Variants in CLDN20 observed in about 807,000 individuals in gnomAD.
The protein encoded by CLDN20 is claudin 20, also known as claudin-20.
For synonymous variants in CLDN20, 104 were observed against 103.6 expected (o/e 1.00, Z -0.03); for missense variants, 258 against 267.9 (o/e 0.96, Z 0.26).
At chr6:155,268,757 T>C (rs9371875) in intron 1 of CLDN20, among the ~76,000 whole-genome samples, 47,263 of 148,736 alleles carry the variant, frequency 0.32, 7,676 homozygotes, top group African/African-American at 0.37. Flanking sequence ...GCAGCATGCT[T>C]GCTAAGAGTC....
At chr6:155,273,146 A>G (rs551795540) in intron 1 of CLDN20, among the ~76,000 whole-genome samples, 43 of 152,332 alleles carry the variant, frequency 2.8e-4, no homozygotes, top group African/African-American at 1.0e-3. Flanking sequence ...GCTATTACAA[A>G]ACTGTAAACA....
chr6:155,265,622 A>C (rs1189080269), intron 1 of CLDN20, among the ~76,000 whole-genome samples: 1 of 150,350 alleles, frequency 6.7e-6, no homozygotes, highest in African/African-American at 2.4e-5. Flanking sequence ...TGGAAAGCAA[A>C]GAAGAAAAAA....
At chr6:155,270,956 C>A (rs142605388) in intron 1 of CLDN20, among the ~76,000 whole-genome samples, 2 of 152,194 alleles carry the variant, frequency 1.3e-5, no homozygotes, top group South Asian at 2.1e-4. Context: ...AAGCTTACAA[C>A]GACTTAGAGA....
intron 1 of CLDN20, among the ~76,000 whole-genome samples, chr6:155,269,950 C>T (rs9322508): frequency 0.54 from 81,727 of 152,072 alleles, 22,390 homozygotes; most frequent in East Asian, 0.79. Context: ...CAGTGATGAA[C>T]GAAACAGAGA....
chr6:155,273,038 C>A (rs1785009099), intron 1 of CLDN20, among the ~76,000 whole-genome samples: 1 of 152,204 alleles, frequency 6.6e-6, no homozygotes, highest in Admixed American at 6.5e-5. Flanking sequence ...GTTCCAGCAA[C>A]CCCACACTTG....
At position 155,276,384 on chromosome 6, in the gene CLDN20, C is replaced by T. The variant is rs1259692302; in HGVS notation, c.*5C>T. 1.9e-5 allele frequency: 30 copies of T among 1,600,562 alleles called. No individual in the cohort carries two copies. Among genetic ancestry groups the T allele is most frequent in the Non-Finnish European group, 2.6e-5 (30 of 1,171,618 alleles). The stretch of plus-strand genomic sequence containing the variant: ...AATCTGAAGGATTATGTGTAAATAA[C>T]TGAGTAATGCATATGAAATGGAACT... On this transcript the variant is annotated 3_prime_UTR_variant, in exon 2 of 2. Transcript: ENST00000367165.
chr6:155,265,342 G>T (rs1475883047), intron 1 of CLDN20, among the ~76,000 whole-genome samples: 1 of 152,208 alleles, frequency 6.6e-6, no homozygotes, highest in Non-Finnish European at 1.5e-5. Context: ...GATAAATGCT[G>T]CTAGTAATAT....
intron 1 of CLDN20, among the ~76,000 whole-genome samples, chr6:155,267,096 T>C (rs1784687061): frequency 6.6e-6 from 1 of 150,776 alleles, no homozygotes; most frequent in South Asian, 2.1e-4. Context: ...TGTCTCAGCC[T>C]CCTGAGTAGC....
At chr6:155,269,855 A>G (rs1428149259) in intron 1 of CLDN20, among the ~76,000 whole-genome samples, 2 of 152,264 alleles carry the variant, frequency 1.3e-5, no homozygotes, top group Non-Finnish European at 2.9e-5. Flanking sequence ...TTATATACTT[A>G]AAGTCAGTTT....
rs781402574 is a variant in CLDN20, at chr6:155,275,926, C to T, written c.207C>T (p.Ser69=). ...TGTTCAGCTGTGCCCTGAAACACTCCATTCTGTCCCTCCCCATCCACGTGC... is the reference window on the plus strand; with the variant it reads ...TGTTCAGCTGTGCCCTGAAACACTCTATTCTGTCCCTCCCCATCCACGTGC... ...TGMFSCALKH[S]ILSLPIHVQA... is the part of the protein sequence containing the mutation. The change falls in exon 2 of 2, where the codon TCC becomes TCT. Residue 69 remains serine, a synonymous_variant. Transcript: ENST00000367165. 6.2e-7 allele frequency: 1 copy of T among 1,614,200 alleles called. No individual in the cohort carries two copies.
intron 1 of CLDN20, among the ~76,000 whole-genome samples, chr6:155,268,659 G>A (rs533884596): frequency 6.6e-6 from 1 of 152,042 alleles, no homozygotes; most frequent in East Asian, 1.9e-4. Context: ...CCCCAACCCG[G>A]TGCTCTCTGA....
intron 1 of CLDN20, among the ~76,000 whole-genome samples, chr6:155,265,196 G>T (rs1784574134): frequency 6.6e-6 from 1 of 152,166 alleles, no homozygotes; most frequent in Non-Finnish European, 1.5e-5. Context: ...GCCCAGCCGG[G>T]CCATGGGTGT....
At chr6:155,271,572 T>C (rs184119842) in intron 1 of CLDN20, among the ~76,000 whole-genome samples, 210 of 152,310 alleles carry the variant, frequency 1.4e-3, no homozygotes, top group Non-Finnish European at 2.5e-3. Flanking sequence ...TAAAAAACTT[T>C]CTTCTGAATG....
intron 1 of CLDN20, among the ~76,000 whole-genome samples, chr6:155,274,520 T>C (rs181726911): frequency 9.9e-5 from 15 of 152,264 alleles, no homozygotes; most frequent in African/African-American, 3.6e-4. Context: ...CCATCACTAC[T>C]TCTGAATTGT....
intron 1 of CLDN20, among the ~76,000 whole-genome samples, chr6:155,264,600 TC>T (rs201314804): frequency 0.012 from 1,782 of 152,344 alleles, 37 homozygotes; most frequent in African/African-American, 0.038. Context: ...AGAAGTTCTG[TC>T]CTCACCCTTT....
rs746339039 is a variant in CLDN20 at position 155,275,773 on chromosome 6, C to A, written c.54C>A (p.Val18=). The A allele has an allele frequency of 6.2e-7, 1 of 1,614,130 alleles. No individual in the cohort carries two copies. Among genetic ancestry groups the A allele is most frequent in the Non-Finnish European group, 8.5e-7 (1 of 1,180,012 alleles). Residue 18 remains valine, a synonymous_variant, in exon 2 of 2, where the codon GTC becomes GTA. Coordinates refer to ENST00000367165, the MANE Select transcript of CLDN20 (RefSeq NM_001001346.3). The part of the protein sequence containing the change: ...LLAFILALSG[V]SGVLTATLLP... Reference sequence around the variant, plus strand: ...CTTTCATCCTGGCCTTATCTGGGGTCTCTGGAGTGCTCACAGCCACTCTGC... The same window carrying A: ...CTTTCATCCTGGCCTTATCTGGGGTATCTGGAGTGCTCACAGCCACTCTGC...
intron 1 of CLDN20, 114 bp from the exon 2 acceptor site, chr6:155,275,502 T>C: frequency 1.9e-6 from 1 of 513,854 alleles, no homozygotes. Flanking sequence ...CCTCATCTGC[T>C]TGGGGGCTGG....
intron 1 of CLDN20, among the ~76,000 whole-genome samples, chr6:155,268,478 G>C (rs1430419610): frequency 6.6e-6 from 1 of 152,130 alleles, no homozygotes; most frequent in Admixed American, 6.5e-5. Flanking sequence ...TCTATGAAAA[G>C]GTGTGGTATT....
chr6:155,266,554 T>C (rs1426244390), intron 1 of CLDN20, among the ~76,000 whole-genome samples: 1 of 152,080 alleles, frequency 6.6e-6, no homozygotes, highest in African/African-American at 2.4e-5. Flanking sequence ...CAGTTAAGAA[T>C]GACCAAATGA....
Sources: gnomAD v4.1 joint callset for allele counts (sites outside exome capture counted in the v4.1 genomes callset) on GRCh38, gnomAD v4.1.1 for gene constraint, MANE v1.5 for transcripts, NCBI Gene and HGNC (gene_info 2026-07-23, HGNC 2026-07-21) for gene names.